Variants in PDE6A observed in about 807,000 individuals in gnomAD.
PDE6A encodes the protein rod cGMP-specific 3',5'-cyclic phosphodiesterase subunit alpha.
Under a neutral mutation model 106.3 loss-of-function variants are expected in PDE6A, and 84 were observed. That is an observed-to-expected ratio of 0.79 (90% CI 0.66 to 0.95). The LOEUF is 0.95. PDE6A is among the 40% of genes least tolerant of loss of function. The pLI is 0.00. For missense variants in PDE6A, 1,052 were observed against 1,084.9 expected, an observed-to-expected ratio of 0.97 and a Z score of 0.43; for synonymous variants, 394 against 386.6, an observed-to-expected ratio of 1.02 and a Z score of -0.23.
At position 149,944,252 on chromosome 5, in the gene PDE6A, A is replaced by G; in HGVS notation, c.422T>C (p.Val141Ala). ...EIVFPLDMGI[V>A]GHVAHSKKIA... Reference sequence around the variant, plus strand: ...CTTCTTAGAGTGTGCGACATGGCCCACGATGCCCATGTCCAAAGGGAAGAC... The same window carrying G: ...CTTCTTAGAGTGTGCGACATGGCCCGCGATGCCCATGTCCAAAGGGAAGAC... Residue 141 changes from valine (V) to alanine (A), a missense_variant, in exon 1 of 22, where the codon GTG (valine) becomes GCG (alanine). Physicochemically the swap from Val to Ala is moderately conservative, Grantham distance 64. Around this residue, in one of 3 missense-constraint regions of PDE6A, gnomAD observed 913 missense variants for 915.2 expected, o/e 1.00. Coordinates refer to ENST00000255266, the MANE Select transcript of PDE6A (RefSeq NM_000440.3). 6.2e-7 allele frequency: 1 copy of G among 1,613,990 alleles called. No homozygotes were observed. The highest frequency in any genetic ancestry group is 8.5e-7 in the Non-Finnish European group (1 of 1,180,010).
At chr5:149,936,907 G>A (rs910431793) in intron 1 of PDE6A, among the ~76,000 whole-genome samples, 1 of 152,202 alleles carries the variant, frequency 6.6e-6, no homozygotes, top group African/African-American at 2.4e-5. Flanking sequence ...CCATATGCTA[G>A]GCACTCTTCC....
intron 13 of PDE6A, among the ~76,000 whole-genome samples, chr5:149,889,916 A>AAG (rs1752479440): frequency 6.6e-6 from 1 of 150,976 alleles, no homozygotes; most frequent in Non-Finnish European, 1.5e-5. Flanking sequence ...CAAAAAAAAA[A>AAG]AAAAAATTCA....
At position 149,941,999 on chromosome 5, in the gene PDE6A, G is replaced by T. The variant is rs73271606; in HGVS notation, c.474+2201C>A. ...CTTTTCTTGACAGGGTCACACTCTGGCACTCAAGCTGGAGTGCAATGGCGC... is the reference window on the plus strand; with the variant it reads ...CTTTTCTTGACAGGGTCACACTCTGTCACTCAAGCTGGAGTGCAATGGCGC... On this transcript the variant is annotated intron_variant, in intron 1 of 21. Coordinates refer to ENST00000255266, the MANE Select transcript of PDE6A (RefSeq NM_000440.3). 3.4e-3 allele frequency among the ~76,000 whole-genome samples: 513 copies of T among 151,846 alleles called. 1 individual carries two copies. Among genetic ancestry groups the T allele is most frequent in the African/African-American group, 0.012 (500 of 41,378 alleles).
At chr5:149,931,207 G>A (rs761080747) in intron 3 of PDE6A, 39 bp from the exon 4 acceptor site, 1 of 1,605,218 alleles carries the variant, frequency 6.2e-7, no homozygotes, top group South Asian at 1.1e-5. Context: ...GTTTTGAGGT[G>A]CAAAGTAGTA....
At chr5:149,914,455 C>T (rs552144434) in intron 6 of PDE6A, among the ~76,000 whole-genome samples, 1 of 152,276 alleles carries the variant, frequency 6.6e-6, no homozygotes, top group South Asian at 2.1e-4. Context: ...TTGGACAAAG[C>T]TCTGCACCAA....
chr5:149,894,865 G>A (rs897930978), intron 13 of PDE6A, among the ~76,000 whole-genome samples: 1 of 151,908 alleles, frequency 6.6e-6, no homozygotes, highest in Non-Finnish European at 1.5e-5. Flanking sequence ...TCCTGACCTC[G>A]TGATCCACCC....
chr5:149,937,651 T>C (rs1754221624), intron 1 of PDE6A, among the ~76,000 whole-genome samples: 1 of 152,214 alleles, frequency 6.6e-6, no homozygotes, highest in African/African-American at 2.4e-5. Context: ...GTGCTGGGGT[T>C]ACAGGTGTCA....
chr5:149,910,203 A>G (rs930982935), intron 6 of PDE6A, among the ~76,000 whole-genome samples: 1 of 55,016 alleles, frequency 1.8e-5, no homozygotes, highest in Admixed American at 1.3e-4. Flanking sequence ...CTATTTTTCT[A>G]TGATATTAAT....
intron 4 of PDE6A, among the ~76,000 whole-genome samples, chr5:149,929,894 C>T (rs1753981027): frequency 6.6e-6 from 1 of 152,080 alleles, no homozygotes; most frequent in South Asian, 2.1e-4. Context: ...ATTAATGTCC[C>T]TTTTCTGTGT....
At position 149,944,248 on chromosome 5, in the gene PDE6A, G is replaced by A; in HGVS notation, c.426C>T (p.Gly142=). 1.2e-6 allele frequency: 2 copies of A among 1,613,854 alleles called. No individual in the cohort carries two copies. Among genetic ancestry groups the A allele is most frequent in the South Asian group, 1.1e-5 (1 of 91,064 alleles). The part of the protein sequence containing the change: ...IVFPLDMGIV[G]HVAHSKKIAN... ...CAATCTTCTTAGAGTGTGCGACATGGCCCACGATGCCCATGTCCAAAGGGA... is the reference window on the plus strand; with the variant it reads ...CAATCTTCTTAGAGTGTGCGACATGACCCACGATGCCCATGTCCAAAGGGA... The change falls in exon 1 of 22, where the codon GGC becomes GGT. Residue 142 remains glycine (G), a synonymous_variant. Coordinates refer to ENST00000255266, the MANE Select transcript of PDE6A (RefSeq NM_000440.3).
chr5:149,889,897 A>T (rs1752477027), intron 13 of PDE6A, among the ~76,000 whole-genome samples: 1 of 130,866 alleles, frequency 7.6e-6, no homozygotes, highest in Non-Finnish European at 1.6e-5. Context: ...ACAGAACAAG[A>T]CTCTGTCTCA....
chr5:149,930,626 G>A (rs1303918400), intron 4 of PDE6A, among the ~76,000 whole-genome samples: 2 of 152,218 alleles, frequency 1.3e-5, no homozygotes, highest in Non-Finnish European at 2.9e-5. Context: ...TTGCCTGGGT[G>A]AGCTCTGGAA....
chr5:149,942,896 C>CTG, intron 1 of PDE6A, among the ~76,000 whole-genome samples: 1 of 152,092 alleles, frequency 6.6e-6, no homozygotes, highest in East Asian at 1.9e-4. Flanking sequence ...AGGCAGTTTT[C>CTG]TCCTATCTCA....
intron 17 of PDE6A, among the ~76,000 whole-genome samples, chr5:149,882,805 C>G (rs1267044995): frequency 1.3e-5 from 2 of 152,166 alleles, no homozygotes; most frequent in African/African-American, 4.8e-5. Flanking sequence ...CGCCTATAAT[C>G]CCAGCACTTT....
intron 9 of PDE6A, among the ~76,000 whole-genome samples, chr5:149,899,008 T>C (rs1296424014): frequency 6.6e-6 from 1 of 152,076 alleles, no homozygotes; most frequent in Non-Finnish European, 1.5e-5. Flanking sequence ...GGACCACAGA[T>C]ATGCGCTACC....
chr5:149,860,853 A>G lies in PDE6A; in HGVS notation c.*42T>C, dbSNP rs200445113. The G allele has an allele frequency of 2.4e-5, 37 of 1,535,812 alleles. No individual in the cohort carries two copies. The African/African-American group carries it at 4.5e-4, about 19-fold the overall frequency. On this transcript the variant is annotated 3_prime_UTR_variant, in exon 22 of 22. Transcript: ENST00000255266. Reference sequence around the variant, plus strand: ...CCACTGGCTTGAGTCATCTCTTCCCAGGAAAGGGTGGTGCCGTCCAGCCAG... The same window carrying G: ...CCACTGGCTTGAGTCATCTCTTCCCGGGAAAGGGTGGTGCCGTCCAGCCAG...
chr5:149,898,401 G>T lies in PDE6A; in HGVS notation c.1369C>A (p.His457Asn), dbSNP rs1204267386. Residue 457 changes from histidine (H) to asparagine (N), a missense_variant, in exon 10 of 22, where the codon CAT (histidine) becomes AAT (asparagine). Physicochemically the swap from His to Asn is moderately conservative, Grantham distance 68. Around this residue, in one of 3 missense-constraint regions of PDE6A, gnomAD observed 913 missense variants for 915.2 expected, o/e 1.00. Transcript: ENST00000255266. ...ATTTCTTCATTGTCACACTTCACAT[G>T]ATATTTTACTATGTCCTGGAAAATA... ...KDIFQDIVKYHVKCDNEEIQK... is the reference protein window; with the variant it reads ...KDIFQDIVKYNVKCDNEEIQK... 1 of 1,613,090 alleles carries T rather than the reference G, an allele frequency of 6.2e-7. No individual in the cohort carries two copies. Among genetic ancestry groups the T allele is most frequent in the African/African-American group, 1.3e-5 (1 of 74,900 alleles).
intron 8 of PDE6A, among the ~76,000 whole-genome samples, chr5:149,901,919 T>G (rs1022179713): frequency 6.6e-6 from 1 of 152,266 alleles, no homozygotes; most frequent in African/African-American, 2.4e-5. Context: ...TGTTTTTCTT[T>G]TATTTGTTTA....
In PDE6A at chr5:149,944,307, C is replaced by A. The variant is rs147010346; in HGVS notation, c.367G>T (p.Asp123Tyr). Residue 123 changes from aspartate (D) to tyrosine (Y), a missense_variant, in exon 1 of 22, where the codon GAC (aspartate) becomes TAC (tyrosine). Physicochemically the swap from Asp to Tyr is radical, Grantham distance 160. This residue lies in a region of PDE6A where 913 missense variants were observed against 915.2 expected (regional missense o/e 1.00). Coordinates refer to ENST00000255266, the MANE Select transcript of PDE6A (RefSeq NM_000440.3). ...FNVHKDAVLE[D>Y]CLVMPDQEIV... ...TCTTGGTCGGGCATCACCAGGCAGTCCTCGAGGACAGCATCCTTGTGGACA... is the reference window on the plus strand; with the variant it reads ...TCTTGGTCGGGCATCACCAGGCAGTACTCGAGGACAGCATCCTTGTGGACA... 3.3e-4 allele frequency: 533 copies of A among 1,614,104 alleles called. 2 individuals are homozygous for A. In the Middle Eastern group the frequency reaches 9.6e-3, roughly 29 times the overall value.
Sources: gnomAD v4.1 joint callset for allele counts (sites outside exome capture counted in the v4.1 genomes callset) on GRCh38, gnomAD v4.1.1 for gene constraint, gnomAD v4.1.1 regional missense constraint, MANE v1.5 for transcripts, NCBI Gene and HGNC (gene_info 2026-07-23, HGNC 2026-07-21) for gene names.